The following TBC1D14 variants were observed in gnomAD, a reference collection of about 807,000 sequenced individuals.
TBC1D14 encodes TBC1 domain family member 14, also known as TBC1 domain family, member 14.
A neutral mutation model predicts 79.0 loss-of-function variants in TBC1D14; 26 were observed. The ratio of observed to expected loss-of-function variants is 0.33; its 90% CI spans 0.24 to 0.46. TBC1D14 has a LOEUF of 0.46. TBC1D14 is among the 20% of genes least tolerant of loss of function. TBC1D14 has a pLI of 1.00. For missense variants in TBC1D14, 769 were observed against 887.6 expected (o/e 0.87, Z 1.70); for synonymous variants, 394 against 349.9 (o/e 1.13, Z -1.40).
chr4:6,934,129 A>G (rs964953702), intron 2 of TBC1D14, among the ~76,000 whole-genome samples: 1 of 152,034 alleles, frequency 6.6e-6, no homozygotes, highest in African/African-American at 2.4e-5. Context: ...GGAGGTATAC[A>G]TTGACTTGTT....
chr4:7,013,809 T>C (rs1327419455), intron 11 of TBC1D14, among the ~76,000 whole-genome samples: 1 of 151,658 alleles, frequency 6.6e-6, no homozygotes, highest in Non-Finnish European at 1.5e-5. Context: ...AGTGGCGCAA[T>C]CTCGGCTCAC....
intron 3 of TBC1D14, among the ~76,000 whole-genome samples, chr4:6,980,404 G>A (rs1288367356): frequency 6.6e-6 from 1 of 152,122 alleles, no homozygotes; most frequent in Non-Finnish European, 1.5e-5. Flanking sequence ...GAAACGTATA[G>A]CATTAAAATG....
At chr4:6,928,174 C>T (rs11732389) in intron 2 of TBC1D14, among the ~76,000 whole-genome samples, 41,666 of 152,098 alleles carry the variant, frequency 0.27, 5,939 homozygotes, top group Admixed American at 0.32. Flanking sequence ...AGTGTTTGAA[C>T]TGCATTGAAG....
rs763720988 is a variant in TBC1D14, at chr4:7,014,549, A to G, written c.1749A>G (p.Leu583=). 94 of 1,608,156 alleles carry G rather than the reference A, an allele frequency of 5.8e-5. No homozygotes were observed. The highest frequency in any genetic ancestry group is 3.3e-4 in the South Asian group (30 of 90,918). Residue 583 remains leucine, a synonymous_variant, in exon 12 of 14, where the codon CTA becomes CTG. Coordinates refer to ENST00000409757, the MANE Select transcript of TBC1D14 (RefSeq NM_020773.3). ...ACAACCTAACTCCAGATATCTACCT[A>G]ATTGATTGGTAAGACTGGCTTTTCC... ...KKNNLTPDIY[L]IDWIFTLYSK... is the part of the protein sequence containing the mutation.
chr4:6,967,561 T>A, intron 3 of TBC1D14, 137 bp downstream of exon 3: 3 of 1,136,102 alleles, frequency 2.6e-6, no homozygotes, highest in Non-Finnish European at 3.7e-6. Flanking sequence ...TCCTCAGATT[T>A]AAGTCTGTAT....
intron 2 of TBC1D14, among the ~76,000 whole-genome samples, chr4:6,929,912 C>T (rs1233930986): frequency 2.6e-5 from 4 of 152,174 alleles, no homozygotes; most frequent in Admixed American, 1.3e-4. Context: ...CTCAGAAAGG[C>T]TAACTGCACA....
intron 3 of TBC1D14, among the ~76,000 whole-genome samples, chr4:6,977,312 G>C (rs1305977841): frequency 3.4e-5 from 5 of 147,654 alleles, no homozygotes; most frequent in African/African-American, 1.2e-4. Flanking sequence ...TGGTGGAGAC[G>C]GGGTTTCGCT....
At position 7,026,255 on chromosome 4, in the gene TBC1D14, A is replaced by G. The variant is rs115242810; in HGVS notation, c.2016+993A>G. On this transcript the variant is annotated intron_variant, in intron 13 of 13. Transcript: ENST00000409757. ...TGCTCTGCAGTGTCAGTGACTGTGGAAGCGCAGCGGCTGTTGGAGCTGCCT... is the reference window on the plus strand; with the variant it reads ...TGCTCTGCAGTGTCAGTGACTGTGGGAGCGCAGCGGCTGTTGGAGCTGCCT... Among the ~76,000 whole-genome samples the G allele has an allele frequency of 3.3e-3, 502 of 152,214 alleles. 1 individual carries two copies. The highest frequency in any genetic ancestry group is 0.011 in the African/African-American group (473 of 41,526).
At chr4:6,977,616 T>C (rs1234367651) in intron 3 of TBC1D14, among the ~76,000 whole-genome samples, 2 of 133,302 alleles carry the variant, frequency 1.5e-5, no homozygotes, top group African/African-American at 5.8e-5. Flanking sequence ...TCTGCCTGGC[T>C]ACCCAGTCTG....
chr4:7,022,350 A>G (rs4689575), intron 12 of TBC1D14, among the ~76,000 whole-genome samples: 135,353 of 152,280 alleles, frequency 0.89, 60,408 homozygotes, highest in East Asian at 0.98. Flanking sequence ...GCAGGATGGT[A>G]TGCGAGGCAG....
intron 7 of TBC1D14, among the ~76,000 whole-genome samples, chr4:7,003,471 GCTGAGTTACTGCTTTGGA>G (rs1719869688): frequency 6.6e-6 from 1 of 152,224 alleles, no homozygotes; most frequent in Admixed American, 6.5e-5. Context: ...GAGCATGCGT[GCTGAGTTACTGCTTTGGA>G]CACTGATACC....
chr4:6,963,197 G>T (rs1344267884), intron 2 of TBC1D14, among the ~76,000 whole-genome samples: 1 of 152,260 alleles, frequency 6.6e-6, no homozygotes, highest in East Asian at 1.9e-4. Context: ...GGTGGGACAG[G>T]TGCATTTGAA....
intron 12 of TBC1D14, among the ~76,000 whole-genome samples, chr4:7,020,426 G>A (rs948288050): frequency 6.6e-6 from 1 of 152,206 alleles, no homozygotes; most frequent in African/African-American, 2.4e-5. Flanking sequence ...TAATCTAACT[G>A]TTGATGTTTC....
rs747108712 is a variant in TBC1D14, at chr4:7,004,949, G to A, written c.1351+25G>A. On this transcript the variant is annotated intron_variant, in intron 8 of 13. Coordinates refer to ENST00000409757, the MANE Select transcript of TBC1D14 (RefSeq NM_020773.3). ...GGTAGAATGTCTTCTAAAACCAGCG[G>A]ACTGCTGTGGTCAATTATGTTTGTC... 5.0e-6 allele frequency: 8 copies of A among 1,594,950 alleles called. No individual in the cohort carries two copies. The South Asian group carries it at 7.7e-5, about 15-fold the overall frequency.
At chr4:6,959,240 C>G (rs560090402) in intron 2 of TBC1D14, among the ~76,000 whole-genome samples, 2 of 152,162 alleles carry the variant, frequency 1.3e-5, no homozygotes, top group African/African-American at 2.4e-5. Context: ...GCCTTGGAGA[C>G]GATAGGTGCT....
intron 1 of TBC1D14, among the ~76,000 whole-genome samples, chr4:6,918,544 C>G (rs1577455000): frequency 6.6e-6 from 1 of 152,190 alleles, no homozygotes. Context: ...AGCCTGTGAG[C>G]TATAGGGTAT....
Position 7,025,099 on chromosome 4 carries a change from C to T in TBC1D14, c.1853C>T (p.Thr618Met), listed in dbSNP as rs781623297. The T allele has an allele frequency of 1.8e-5, 29 of 1,614,076 alleles. No homozygotes were observed. Among genetic ancestry groups the T allele is most frequent in the East Asian group, 6.7e-5 (3 of 44,890 alleles). The change falls in exon 13 of 14, where the codon ACG becomes ATG. Residue 618 changes from threonine (T) to methionine (M), a missense_variant. Physicochemically the swap from Thr to Met is moderately conservative, Grantham distance 81. Coordinates refer to ENST00000409757, the MANE Select transcript of TBC1D14 (RefSeq NM_020773.3). ...CRDGEEFLFRTALGILKLFED... is the reference protein window; with the variant it reads ...CRDGEEFLFRMALGILKLFED... Reference sequence around the variant, plus strand: ...GATGGGGAAGAGTTCCTGTTCCGCACGGCCCTGGGCATCCTGAAGCTGTTC... The same window carrying T: ...GATGGGGAAGAGTTCCTGTTCCGCATGGCCCTGGGCATCCTGAAGCTGTTC...
intron 12 of TBC1D14, among the ~76,000 whole-genome samples, chr4:7,016,269 G>A (rs554681709): frequency 2.6e-5 from 4 of 152,326 alleles, no homozygotes; most frequent in African/African-American, 7.2e-5. Context: ...TGGCGCTGGC[G>A]GGGATGCTGG....
At chr4:7,008,180 A>G (rs905310695) in intron 9 of TBC1D14, among the ~76,000 whole-genome samples, 6 of 152,222 alleles carry the variant, frequency 3.9e-5, no homozygotes. Context: ...ACCAGAGGTC[A>G]AAGGGCCATA....
Sources: allele counts gnomAD v4.1 joint callset (sites outside exome capture counted in the v4.1 genomes callset), GRCh38; gene constraint gnomAD v4.1.1; transcripts MANE v1.5; gene names NCBI Gene and HGNC (gene_info 2026-07-23, HGNC 2026-07-21).